The following TVP23A variants were observed in gnomAD, a reference collection of about 807,000 sequenced individuals.
TVP23A encodes the protein trans-golgi network vesicle protein 23 homolog A.
TVP23A carries 21 observed loss-of-function variants against 31.7 expected under a neutral mutation model. The ratio of observed to expected loss-of-function variants is 0.66; its 90% CI spans 0.47 to 0.95. The LOEUF is 0.95. Ranked by LOEUF, TVP23A falls within the 40% of genes least tolerant of loss-of-function variation. The probability of loss-of-function intolerance (pLI) is 0.00; values close to 1 mark genes in which losing one functional copy is unlikely to be tolerated. For synonymous variants in TVP23A, 104 were observed against 96.0 expected, an observed-to-expected ratio of 1.08 and a Z score of -0.49; for missense variants, 279 against 255.6, an observed-to-expected ratio of 1.09 and a Z score of -0.62.
In TVP23A at chr16:10,773,365, A is replaced by G. The variant is rs775814531; in HGVS notation, c.401T>C (p.Ile134Thr). ...FWLGLIICPM[I>T]WIVFFFSTLF... The stretch of plus-strand genomic sequence containing the variant: ...GGTGCTAAAAAAAAACACAATCCAT[A>G]TCATGGGGCAGATTATGAGGCCCAG... The change falls in exon 5 of 8, where the codon ATA becomes ACA. Residue 134 changes from isoleucine (I) to threonine (T), a missense_variant. Coordinates refer to ENST00000299866, the MANE Select transcript of TVP23A (RefSeq NM_001079512.4). 2 of 1,612,086 alleles carry G rather than the reference A, an allele frequency of 1.2e-6. No homozygotes were observed. Among genetic ancestry groups the G allele is most frequent in the East Asian group, 4.5e-5 (2 of 44,860 alleles).
intron 7 of TVP23A, chr16:10,769,365 GTT>G (rs1396617235): frequency 5.0e-6 from 2 of 401,676 alleles, no homozygotes; most frequent in Non-Finnish European, 8.9e-6. Flanking sequence ...CCCGAGGCCT[GTT>G]TCACGTAAAA....
At chr16:10,796,047 T>TA (rs1164062797) in intron 2 of TVP23A, among the ~76,000 whole-genome samples, 1 of 151,694 alleles carries the variant, frequency 6.6e-6, no homozygotes, top group Non-Finnish European at 1.5e-5. Flanking sequence ...GCAAAAAAAA[T>TA]AAAAAAATTT....
intron 2 of TVP23A, among the ~76,000 whole-genome samples, chr16:10,804,961 C>T (rs570395204): frequency 6.6e-6 from 1 of 151,988 alleles, no homozygotes; most frequent in African/African-American, 2.4e-5. Flanking sequence ...CCTCCCAGAT[C>T]CTGACAGCCA....
intron 2 of TVP23A, among the ~76,000 whole-genome samples, chr16:10,803,718 A>G (rs1157157991): frequency 6.6e-6 from 1 of 152,134 alleles, no homozygotes; most frequent in Non-Finnish European, 1.5e-5. Flanking sequence ...TTTAACCAAC[A>G]CAAGGACCCA....
At chr16:10,808,551 C>T (rs1406059136) in intron 2 of TVP23A, 1 of 455,108 alleles carries the variant, frequency 2.2e-6, no homozygotes, top group Non-Finnish European at 4.4e-6. Flanking sequence ...AATCCCAGCA[C>T]TTTGGGAGGC....
chr16:10,800,984 C>T (rs919626729), intron 2 of TVP23A, among the ~76,000 whole-genome samples: 5 of 152,152 alleles, frequency 3.3e-5, no homozygotes, highest in Non-Finnish European at 5.9e-5. Context: ...GAGCAAGACC[C>T]TGTCTCAAAA....
At chr16:10,798,546 G>A (rs1310242408) in intron 2 of TVP23A, among the ~76,000 whole-genome samples, 6 of 152,176 alleles carry the variant, frequency 3.9e-5, no homozygotes, top group South Asian at 4.1e-4. Context: ...GTGTAGTCAC[G>A]TCTCACAATG....
chr16:10,811,365 C>T (rs770381380), intron 2 of TVP23A, among the ~76,000 whole-genome samples: 6 of 152,114 alleles, frequency 3.9e-5, no homozygotes, highest in Non-Finnish European at 8.8e-5. Context: ...ACCTCCCAGG[C>T]TCAAGCAATC....
At chr16:10,795,045 T>C (rs533757312) in intron 2 of TVP23A, among the ~76,000 whole-genome samples, 1 of 151,902 alleles carries the variant, frequency 6.6e-6, no homozygotes, top group African/African-American at 2.4e-5. Context: ...ATGCACACAA[T>C]GGGGCAGGGA....
chr16:10,778,063 G>C (rs945830052), intron 2 of TVP23A, among the ~76,000 whole-genome samples: 1 of 151,954 alleles, frequency 6.6e-6, no homozygotes, highest in Non-Finnish European at 1.5e-5. Context: ...ACCAGGTGTG[G>C]TGGCTCACAC....
At chr16:10,761,313 T>G (rs745996416) in exon 9 of TVP23A, 2 of 1,551,548 alleles carry the variant, frequency 1.3e-6, no homozygotes, top group East Asian at 4.5e-5. Flanking sequence ...GCACAGACAT[T>G]CCCTTTCTCG....
chr16:10,773,330 A>T lies in TVP23A; in HGVS notation c.436T>A (p.Leu146Met). The change falls in exon 5 of 8, where the codon TTG becomes ATG. Residue 146 changes from leucine to methionine, a missense_variant. Coordinates refer to ENST00000299866, the MANE Select transcript of TVP23A (RefSeq NM_001079512.4). ...GGCCTTACCAGCCACTTTAGCTTCAAGGAAAATAAGGTGCTAAAAAAAAAC... is the reference window on the plus strand; with the variant it reads ...GGCCTTACCAGCCACTTTAGCTTCATGGAAAATAAGGTGCTAAAAAAAAAC... ...IVFFFSTLFS[L>M]KLKWLALVVA... The T allele has an allele frequency of 3.1e-6, 5 of 1,607,212 alleles. No individual in the cohort carries two copies. The highest frequency in any genetic ancestry group is 4.2e-6 in the Non-Finnish European group (5 of 1,178,242).
downstream of TVP23A, chr16:10,761,869 C>T (rs1387438522): frequency 1.9e-6 from 3 of 1,607,544 alleles, no homozygotes; most frequent in Admixed American, 1.7e-5. Flanking sequence ...GGTGGGTGAC[C>T]CCAGTGTGGG....
chr16:10,761,367 G>A (rs1206926162), exon 9 of TVP23A: 5 of 1,613,750 alleles, frequency 3.1e-6, no homozygotes, highest in Non-Finnish European at 3.4e-6. Flanking sequence ...TTCGTAGGAG[G>A]TGTCACTCCA....
intron 2 of TVP23A, among the ~76,000 whole-genome samples, chr16:10,786,941 A>G (rs1325276940): frequency 6.6e-6 from 1 of 152,140 alleles, no homozygotes; most frequent in Non-Finnish European, 1.5e-5. Flanking sequence ...GTCCAAAAAA[A>G]AAAAAAATTT....
In TVP23A at chr16:10,773,455, G is replaced by A. The variant is rs775761655; in HGVS notation, c.325-14C>T. On this transcript the variant is annotated splice_polypyrimidine_tract_variant and intron_variant, in intron 4 of 7. Transcript: ENST00000299866. ...ATTCGGAGAGACCTGTTAAAGGAAA[G>A]TAATTCAAATGTCAAAACAAGTGGA... 5.1e-6 allele frequency: 8 copies of A among 1,568,694 alleles called. No homozygotes were observed. The highest frequency in any genetic ancestry group is 6.9e-6 in the Non-Finnish European group (8 of 1,163,600).
At chr16:10,798,249 G>A (rs1346943967) in intron 2 of TVP23A, among the ~76,000 whole-genome samples, 6 of 151,826 alleles carry the variant, frequency 4.0e-5, no homozygotes, top group African/African-American at 1.5e-4. Flanking sequence ...GTGCGCCCGC[G>A]CCCGGCCTTT....
At chr16:10,764,297 G>C (rs920797267), downstream of TVP23A, among the ~76,000 whole-genome samples, 3 of 152,240 alleles carry the variant, frequency 2.0e-5, no homozygotes, top group South Asian at 6.2e-4. Flanking sequence ...GTCTGCTGGA[G>C]TATTTGTCTA....
chr16:10,757,497 T>C (rs1900637140), downstream of TVP23A, among the ~76,000 whole-genome samples: 1 of 150,460 alleles, frequency 6.6e-6, no homozygotes. The surrounding 1 kb of genome is among the most constrained non-coding windows in gnomAD (Gnocchi z 4.1). Flanking sequence ...GAGTAGACCG[T>C]GTTCTACACC....
Sources: gnomAD v4.1 joint callset for allele counts (sites outside exome capture counted in the v4.1 genomes callset) on GRCh38, gnomAD v4.1.1 for gene constraint, Gnocchi (gnomAD v3.1) non-coding constraint, MANE v1.5 for transcripts, NCBI Gene and HGNC (gene_info 2026-07-23, HGNC 2026-07-21) for gene names.